Variants in EPHB2 observed in about 807,000 individuals in gnomAD.
EPHB2 encodes the protein EPH receptor B2.
In EPHB2, 18 loss-of-function variants were observed where a neutral mutation model predicts 96.4. That is an observed-to-expected ratio of 0.19 (90% CI 0.13 to 0.28). EPHB2 has a LOEUF of 0.28. Ranked by LOEUF, EPHB2 falls within the 10% of genes least tolerant of loss-of-function variation. The probability of loss-of-function intolerance (pLI) is 1.00; values close to 1 mark genes in which losing one functional copy is unlikely to be tolerated. For synonymous variants in EPHB2, 506 were observed against 534.1 expected (o/e 0.95, Z 0.72); for missense variants, 989 against 1,355.4 (o/e 0.73, Z 4.25).
intron 1 of EPHB2, among the ~76,000 whole-genome samples, chr1:22,736,821 T>C (rs1364174165): frequency 6.6e-6 from 1 of 152,076 alleles, no homozygotes; most frequent in Non-Finnish European, 1.5e-5. Context: ...AGGAGGATAA[T>C]GGAGCTTTGG....
chr1:22,828,825 A>C (rs937050246), intron 3 of EPHB2, among the ~76,000 whole-genome samples: 1 of 152,254 alleles, frequency 6.6e-6, no homozygotes, highest in African/African-American at 2.4e-5. Context: ...TGTTGTAGGC[A>C]TAAAAGGGTT....
chr1:22,893,076 G>A (rs377384800), intron 7 of EPHB2, 30 bp downstream of exon 7: 24 of 1,613,852 alleles, frequency 1.5e-5, no homozygotes, highest in Non-Finnish European at 1.9e-5. Context: ...CAAGAGGAGG[G>A]CACAGACTCC....
intron 3 of EPHB2, among the ~76,000 whole-genome samples, chr1:22,815,672 T>C (rs912179409): frequency 6.6e-6 from 1 of 152,364 alleles, no homozygotes; most frequent in Middle Eastern, 3.4e-3. Context: ...AATTTGTCAG[T>C]CCTGGAAGCT....
At chr1:22,851,286 C>T (rs576144461) in intron 3 of EPHB2, among the ~76,000 whole-genome samples, 9 of 152,358 alleles carry the variant, frequency 5.9e-5, no homozygotes, top group Middle Eastern at 6.8e-3. Flanking sequence ...GTGTGAGCCA[C>T]CGTGCCCAGG....
chr1:22,803,729 A>ATGTG (rs199964443), intron 3 of EPHB2, among the ~76,000 whole-genome samples: 14 of 147,378 alleles, frequency 9.5e-5, no homozygotes, highest in African/African-American at 3.5e-4. Context: ...ATATATGTAT[A>ATGTG]TGTGTGTGTG....
intron 5 of EPHB2, among the ~76,000 whole-genome samples, chr1:22,877,326 A>G (rs1638874215): frequency 6.6e-6 from 1 of 152,162 alleles, no homozygotes; most frequent in African/African-American, 2.4e-5. Context: ...GGTTGATAGG[A>G]GCATGAAGTG....
chr1:22,888,127 C>T (rs964044010), intron 6 of EPHB2, among the ~76,000 whole-genome samples: 9 of 152,122 alleles, frequency 5.9e-5, no homozygotes, highest in African/African-American at 2.2e-4. Flanking sequence ...CTGCAACCTC[C>T]GTCTCCCGGG....
rs1256696361 is a variant in EPHB2 at position 22,733,940 on chromosome 1, G to A, written c.61+22897G>A. Among the ~76,000 whole-genome samples, 3 of 151,266 alleles carry A rather than the reference G, an allele frequency of 2.0e-5. No homozygotes were observed. Among genetic ancestry groups the A allele is most frequent in the Non-Finnish European group, 4.4e-5 (3 of 67,782 alleles). On this transcript the variant is annotated intron_variant, in intron 1 of 15. Coordinates refer to ENST00000374630, the MANE Select transcript of EPHB2 (RefSeq NM_017449.5). The surrounding 1 kb of genome is among the most constrained non-coding windows in gnomAD (Gnocchi z 4.6). ...CCTGGGACTGGATTCTTGGCCTGGT[G>A]TGATTTGGTGGGGACAGAGCTAGAA...
intron 1 of EPHB2, among the ~76,000 whole-genome samples, chr1:22,755,194 G>A (rs962930904): frequency 1.3e-5 from 2 of 152,086 alleles, no homozygotes; most frequent in South Asian, 4.1e-4. Flanking sequence ...TACAGTGTCA[G>A]GTGCCACTAA....
Position 22,773,985 on chromosome 1 carries a change from G to C in EPHB2, c.62-7436G>C, listed in dbSNP as rs183055765. Among the ~76,000 whole-genome samples, 59 of 152,322 alleles carry C rather than the reference G, an allele frequency of 3.9e-4. 1 individual carries two copies. Among genetic ancestry groups the C allele is most frequent in the African/African-American group, 1.4e-3 (57 of 41,572 alleles). On this transcript the variant is annotated intron_variant, in intron 1 of 15. Transcript: ENST00000374630. Reference sequence around the variant, plus strand: ...TTCACAAATAGTTAACGATGAAATGGGATAATGAGTGCTAAGCGCTTGGCC... The same window carrying C: ...TTCACAAATAGTTAACGATGAAATGCGATAATGAGTGCTAAGCGCTTGGCC...
chr1:22,769,229 A>G (rs1159292532), intron 1 of EPHB2, among the ~76,000 whole-genome samples: 1 of 152,188 alleles, frequency 6.6e-6, no homozygotes, highest in Non-Finnish European at 1.5e-5. Flanking sequence ...TTCCAGGGCC[A>G]CAGAACAGAG....
chr1:22,842,806 T>G (rs1645488992), intron 3 of EPHB2, among the ~76,000 whole-genome samples: 1 of 152,126 alleles, frequency 6.6e-6, no homozygotes, highest in African/African-American at 2.4e-5. Context: ...CTGTTCCCTC[T>G]GCCTGGAATA....
intron 14 of EPHB2, 113 bp downstream of exon 14, chr1:22,910,688 G>C (rs902607624): frequency 7.3e-7 from 1 of 1,366,458 alleles, no homozygotes; most frequent in African/African-American, 1.5e-5. Flanking sequence ...TTGGGATGGG[G>C]AAGGACAGGA....
Position 22,790,864 on chromosome 1 carries a change from C to A in EPHB2, c.811+5788C>A, listed in dbSNP as rs746383117. On this transcript the variant is annotated intron_variant, in intron 3 of 15. Coordinates refer to ENST00000374630, the MANE Select transcript of EPHB2 (RefSeq NM_017449.5). This position sits in a 1 kb window ranked among gnomAD's most constrained non-coding sequence, Gnocchi z 4.0. Reference sequence around the variant, plus strand: ...TTCGCTGGCTCCAGCTCAGACTCCCCAGTTCCCAGCTGCTGGGTTTCTCCT... The same window carrying A: ...TTCGCTGGCTCCAGCTCAGACTCCCAAGTTCCCAGCTGCTGGGTTTCTCCT... Among the ~76,000 whole-genome samples the A allele has an allele frequency of 6.6e-6, 1 of 152,218 alleles. No homozygotes were observed. The highest frequency in any genetic ancestry group is 1.5e-5 in the Non-Finnish European group (1 of 68,042).
At chr1:22,751,429 G>A (rs1317720818) in intron 1 of EPHB2, among the ~76,000 whole-genome samples, 2 of 152,220 alleles carry the variant, frequency 1.3e-5, no homozygotes, top group Admixed American at 1.3e-4. Context: ...TGAGCCCCAA[G>A]GCCCAAGCCC....
At chr1:22,762,127 G>A (rs1309552946) in intron 1 of EPHB2, among the ~76,000 whole-genome samples, 3 of 152,214 alleles carry the variant, frequency 2.0e-5, no homozygotes, top group African/African-American at 4.8e-5. Flanking sequence ...GACATCACCC[G>A]GAGTCATCTG....
rs1640244144 is a variant in EPHB2, at chr1:22,915,563, A to AAG, written c.*1993_*1994insAG. Reference sequence around the variant, plus strand: ...GAAGTGGCTCAGAACTCAGCCTTCGATGCCCTGGGAATCAGGGTGAGCCCC... The same window carrying AAG: ...GAAGTGGCTCAGAACTCAGCCTTCGAAGTGCCCTGGGAATCAGGGTGAGCCCC... On this transcript the variant is annotated 3_prime_UTR_variant, in exon 16 of 16. Coordinates refer to ENST00000374630, the MANE Select transcript of EPHB2 (RefSeq NM_017449.5). The AAG allele has an allele frequency of 6.6e-6, 1 of 152,198 alleles. No homozygotes were observed. Among genetic ancestry groups the AAG allele is most frequent in the Non-Finnish European group, 1.5e-5 (1 of 68,050 alleles). The allele number at this position is 152,198 out of a possible 1,614,324, so 9.4% of individuals were successfully genotyped here. A position where few individuals can be genotyped will look rare whatever the true frequency, so the allele number is the denominator to read the frequency against.
intron 5 of EPHB2, among the ~76,000 whole-genome samples, chr1:22,866,582 A>ATTTTT (rs1638486386): frequency 6.6e-6 from 1 of 152,076 alleles, no homozygotes; most frequent in Non-Finnish European, 1.5e-5. Context: ...GTTGAAGGGA[A>ATTTTT]CAATAGAAAA....
In EPHB2 at chr1:22,895,585, G is replaced by T; in HGVS notation, c.1700+5G>T. ...CATCGCCATCGTGTGTAACAGGTGGGTGGGGTCTCCAGGCTTGGCCAGGCC... is the reference window on the plus strand; with the variant it reads ...CATCGCCATCGTGTGTAACAGGTGGTTGGGGTCTCCAGGCTTGGCCAGGCC... On this transcript the variant is annotated splice_donor_5th_base_variant and intron_variant, in intron 8 of 15. Transcript: ENST00000374630. 6.2e-7 allele frequency: 1 copy of T among 1,614,180 alleles called. No individual in the cohort carries two copies.
Sources: allele counts gnomAD v4.1 joint callset (sites outside exome capture counted in the v4.1 genomes callset), GRCh38; gene constraint gnomAD v4.1.1; non-coding constraint Gnocchi (gnomAD v3.1); transcripts MANE v1.5; gene names NCBI Gene and HGNC (gene_info 2026-07-23, HGNC 2026-07-21).